Variants in MAML3 observed in about 807,000 individuals in gnomAD.
The protein encoded by MAML3 is mastermind-like protein 3.
Under a neutral mutation model 101.9 loss-of-function variants are expected in MAML3, and 27 were observed. That is an observed-to-expected ratio of 0.27 (90% CI 0.20 to 0.37). The LOEUF (loss-of-function observed/expected upper bound fraction) is 0.37, where lower values mean the gene tolerates loss of function less well. Ranked by LOEUF, MAML3 falls within the 10% of genes least tolerant of loss-of-function variation. The pLI, the probability that MAML3 is intolerant of heterozygous loss-of-function variation, is 1.00. For missense variants in MAML3, 1,316 were observed against 1,444.9 expected, an observed-to-expected ratio of 0.91 and a Z score of 1.45; for synonymous variants, 501 against 555.9, an observed-to-expected ratio of 0.90 and a Z score of 1.39.
chr4:139,832,094 C>CTTTTTTTTTTTTTTTTTTTTTT lies in MAML3; in HGVS notation c.2079+57241_2079+57262dup, dbSNP rs70943444. On this transcript the variant is annotated intron_variant, in intron 2 of 4. Transcript: ENST00000509479. The stretch of plus-strand genomic sequence containing the variant: ...AGGCGTGAGCCATCATGCCCAGCCC[C>CTTTTTTTTTTTTTTTTTTTTTT]TTTTTTTTTTTTTTTTTTTTTTTTT... Among the ~76,000 whole-genome samples, 19 of 64,702 alleles carry CTTTTTTTTTTTTTTTTTTTTTT rather than the reference C, an allele frequency of 2.9e-4. 2 individuals are homozygous for CTTTTTTTTTTTTTTTTTTTTTT. Among genetic ancestry groups the CTTTTTTTTTTTTTTTTTTTTTT allele is most frequent in the Non-Finnish European group, 6.0e-4 (18 of 29,894 alleles). The allele number at this position is 64,702 out of a possible 152,430, so 42.4% of individuals were successfully genotyped here.
intron 2 of MAML3, among the ~76,000 whole-genome samples, chr4:139,810,718 T>G (rs907493352): frequency 6.6e-6 from 1 of 152,192 alleles, no homozygotes; most frequent in African/African-American, 2.4e-5. Flanking sequence ...TATTCTCACT[T>G]TATAGTTAGG....
chr4:140,060,630 G>A (rs1461802563), intron 1 of MAML3, among the ~76,000 whole-genome samples: 3 of 151,884 alleles, frequency 2.0e-5, no homozygotes, highest in South Asian at 4.2e-4. Flanking sequence ...CTTATTTTAC[G>A]GATTTCTCCT....
intron 2 of MAML3, among the ~76,000 whole-genome samples, chr4:139,786,556 T>C (rs140059148): frequency 8.5e-5 from 13 of 152,298 alleles, no homozygotes; most frequent in African/African-American, 2.6e-4. Flanking sequence ...AAGGCAGAAG[T>C]GACATCTTGA....
rs554826655 is a variant in MAML3 at position 139,874,392 on chromosome 4, A to AT, written c.2079+14964dup. ...AACAATCTTGTCAGAGCCAAGATTG[A>AT]TTTTTTTTAAAAAAATCACCAGTGA... On this transcript the variant is annotated intron_variant, in intron 2 of 4. Transcript: ENST00000509479. Among the ~76,000 whole-genome samples the AT allele has an allele frequency of 6.6e-5, 10 of 152,014 alleles. No individual in the cohort carries two copies. The East Asian group carries it at 1.2e-3, about 18-fold the overall frequency.
intron 1 of MAML3, among the ~76,000 whole-genome samples, chr4:140,129,697 T>G (rs1233822544): frequency 3.9e-5 from 6 of 152,140 alleles, no homozygotes; most frequent in African/African-American, 1.4e-4. Context: ...CCGGGCGCGG[T>G]GGCTCATGCC....
At chr4:140,063,919 T>C (rs1727489379) in intron 1 of MAML3, among the ~76,000 whole-genome samples, 1 of 152,280 alleles carries the variant, frequency 6.6e-6, no homozygotes, top group Non-Finnish European at 1.5e-5. Flanking sequence ...TACAAACAGA[T>C]GCTATAGGTG....
intron 1 of MAML3, among the ~76,000 whole-genome samples, chr4:139,957,444 A>T (rs531243764): frequency 3.5e-4 from 53 of 152,356 alleles, no homozygotes; most frequent in Admixed American, 5.9e-4. Context: ...AAATGTATTA[A>T]GAAGGCAGAG....
At chr4:139,752,878 C>T (rs942815645) in intron 2 of MAML3, among the ~76,000 whole-genome samples, 1 of 152,166 alleles carries the variant, frequency 6.6e-6, no homozygotes, top group Non-Finnish European at 1.5e-5. Context: ...TTAGCTACTT[C>T]CTTGTGGTGA....
chr4:139,968,832 G>A (rs977015796), intron 1 of MAML3, among the ~76,000 whole-genome samples: 1 of 152,052 alleles, frequency 6.6e-6, no homozygotes, highest in African/African-American at 2.4e-5. Flanking sequence ...GTTGCAGGGA[G>A]TACAGAAAGC....
At chr4:139,776,463 G>A (rs11100269) in intron 2 of MAML3, among the ~76,000 whole-genome samples, 48,591 of 151,990 alleles carry the variant, frequency 0.32, 9,723 homozygotes, top group Non-Finnish European at 0.45. Flanking sequence ...AAAGCACTCC[G>A]AAGACCACAC....
intron 2 of MAML3, among the ~76,000 whole-genome samples, chr4:139,781,763 C>T (rs1341253516): frequency 6.6e-6 from 1 of 152,102 alleles, no homozygotes; most frequent in African/African-American, 2.4e-5. Flanking sequence ...GTTTCAACAC[C>T]AGCCATCTAT....
chr4:139,916,686 C>A (rs112977633), intron 1 of MAML3, among the ~76,000 whole-genome samples: 68 of 152,326 alleles, frequency 4.5e-4, no homozygotes, highest in African/African-American at 1.6e-3. Flanking sequence ...TGCCTTCACC[C>A]AGGTCTTTCT....
chr4:140,067,512 T>C (rs1727559215), intron 1 of MAML3, among the ~76,000 whole-genome samples: 2 of 151,988 alleles, frequency 1.3e-5, no homozygotes, highest in African/African-American at 4.8e-5. Context: ...ATAATTAAGG[T>C]GGGGAGGGGT....
chr4:139,808,944 A>ATG, intron 2 of MAML3, among the ~76,000 whole-genome samples: 1 of 152,034 alleles, frequency 6.6e-6, no homozygotes, highest in East Asian at 1.9e-4. Context: ...GTGAGTGTGC[A>ATG]TGTGTGTGTG....
chr4:139,918,404 CT>C (rs1490308704), intron 1 of MAML3, among the ~76,000 whole-genome samples: 1 of 152,144 alleles, frequency 6.6e-6, no homozygotes, highest in African/African-American at 2.4e-5. Flanking sequence ...TGCACCGGTG[CT>C]TCTCTCCACG....
intron 2 of MAML3, among the ~76,000 whole-genome samples, chr4:139,857,858 G>C (rs964695008): frequency 6.6e-6 from 1 of 152,154 alleles, no homozygotes; most frequent in African/African-American, 2.4e-5. Flanking sequence ...TCCATCATAT[G>C]ATTTTAAGTT....
intron 2 of MAML3, among the ~76,000 whole-genome samples, chr4:139,836,620 T>C (rs902802756): frequency 6.6e-6 from 1 of 152,196 alleles, no homozygotes; most frequent in Admixed American, 6.5e-5. Context: ...AGCCAAGTGC[T>C]GGAGCCCTCC....
intron 2 of MAML3, among the ~76,000 whole-genome samples, chr4:139,866,058 C>T (rs1013697962): frequency 2.6e-5 from 4 of 152,232 alleles, no homozygotes; most frequent in African/African-American, 9.6e-5. Context: ...TGAGGTACAA[C>T]ACAGAGCCAG....
At chr4:139,956,962 T>C (rs1733927740) in intron 1 of MAML3, among the ~76,000 whole-genome samples, 1 of 152,168 alleles carries the variant, frequency 6.6e-6, no homozygotes, top group African/African-American at 2.4e-5. Context: ...TGCTAGATAT[T>C]AATAGTTGGC....
Sources: gnomAD v4.1 joint callset for allele counts (sites outside exome capture counted in the v4.1 genomes callset) on GRCh38, gnomAD v4.1.1 for gene constraint, MANE v1.5 for transcripts, NCBI Gene and HGNC (gene_info 2026-07-23, HGNC 2026-07-21) for gene names.